The following ARMC12 variants were observed in gnomAD, a reference collection of about 807,000 sequenced individuals.
ARMC12 encodes the protein armadillo repeat containing 12.
ARMC12 carries 25 observed loss-of-function variants against 37.4 expected under a neutral mutation model. The observed-to-expected ratio is 0.67, with a 90% confidence interval of 0.49 to 0.93. ARMC12 has a LOEUF of 0.93. Ranked by LOEUF, ARMC12 falls within the 40% of genes least tolerant of loss-of-function variation. The pLI, the probability that ARMC12 is intolerant of heterozygous loss-of-function variation, is 0.00. For missense variants in ARMC12, 384 were observed against 426.6 expected (o/e 0.90, Z 0.88); for synonymous variants, 167 against 176.1 (o/e 0.95, Z 0.41).
intron 3 of ARMC12, among the ~76,000 whole-genome samples, chr6:35,744,053 G>C (rs1243355983): frequency 6.6e-6 from 1 of 152,098 alleles, no homozygotes; most frequent in Non-Finnish European, 1.5e-5. Flanking sequence ...CAATACATTG[G>C]ACTTTATTAA....
rs529039627 is a variant in ARMC12, at chr6:35,743,202, G to A, written c.445-4059G>A. 4.6e-5 allele frequency among the ~76,000 whole-genome samples: 7 copies of A among 151,662 alleles called. No individual in the cohort carries two copies. In the South Asian group the frequency reaches 1.2e-3, roughly 27 times the overall value. On this transcript the variant is annotated intron_variant, in intron 3 of 5. Transcript: ENST00000373866. Reference sequence around the variant, plus strand: ...TACCTGTCTTTGGTAATGCCTCTAGGTCCAAGCATCTTACTTTTTTTTTTT... The same window carrying A: ...TACCTGTCTTTGGTAATGCCTCTAGATCCAAGCATCTTACTTTTTTTTTTT...
chr6:35,732,332 G>T (rs1240383648), upstream of ARMC12, among the ~76,000 whole-genome samples: 1 of 152,190 alleles, frequency 6.6e-6, no homozygotes, highest in Non-Finnish European at 1.5e-5. Flanking sequence ...AAGCTCGCAC[G>T]TGTTGAGCGT....
At chr6:35,741,159 T>C (rs1045284747) in intron 3 of ARMC12, among the ~76,000 whole-genome samples, 2 of 152,152 alleles carry the variant, frequency 1.3e-5, no homozygotes, top group African/African-American at 4.8e-5. Flanking sequence ...CTTTCGTGAA[T>C]ACTCTGCCAC....
chr6:35,747,193 T>G lies in ARMC12; in HGVS notation c.445-68T>G, dbSNP rs1767364793. On this transcript the variant is annotated intron_variant, in intron 3 of 5. Coordinates refer to ENST00000373866, the MANE Select transcript of ARMC12 (RefSeq NM_001286574.2). ...GGACATCCATGGGGACAGTGAAGAG[T>G]AAAGTCAGATACTGGGATAGTGGTG... The G allele has an allele frequency of 9.8e-6, 15 of 1,535,848 alleles. No homozygotes were observed. The South Asian group carries it at 1.9e-4, about 19-fold the overall frequency.
chr6:35,749,058 C>T lies in ARMC12; in HGVS notation c.*188C>T. The T allele has an allele frequency of 1.8e-6, 1 of 545,064 alleles. No individual in the cohort carries two copies. The highest frequency in any genetic ancestry group is 3.1e-5 in the South Asian group (1 of 32,050). 33.8% of individuals were successfully genotyped at this position (545,064 alleles called of 1,614,324 possible). ...ACTTCTATGTTTGGGGGACTAGCTC[C>T]CCTCTTCTCTTGCTGCTTTTCTTTC... is the stretch of plus-strand genomic sequence containing the variant. On this transcript the variant is annotated 3_prime_UTR_variant, in exon 6 of 6. Transcript: ENST00000373866.
intron 3 of ARMC12, among the ~76,000 whole-genome samples, chr6:35,738,814 G>A (rs573980309): frequency 6.6e-6 from 1 of 152,188 alleles, no homozygotes; most frequent in East Asian, 1.9e-4. Flanking sequence ...TCCCAACACT[G>A]GCTGGGTGTT....
upstream of ARMC12, among the ~76,000 whole-genome samples, chr6:35,732,665 G>T (rs1028113487): frequency 2.6e-5 from 4 of 152,202 alleles, no homozygotes; most frequent in African/African-American, 9.6e-5. Context: ...CATTAACTAG[G>T]CTTAAACAAC....
the ARMC12 span, among the ~76,000 whole-genome samples, chr6:35,731,592 G>T: frequency 1.3e-5 from 2 of 152,156 alleles, no homozygotes; most frequent in African/African-American, 4.8e-5. Context: ...TGAGGTTGGT[G>T]GCCTTTGACC....
upstream of ARMC12, among the ~76,000 whole-genome samples, chr6:35,732,477 T>C (rs1438893003): frequency 1.3e-5 from 2 of 152,168 alleles, no homozygotes; most frequent in African/African-American, 2.4e-5. Context: ...AACCCCACAC[T>C]GTTGGGATGT....
At chr6:35,733,320 G>A (rs1003628351), upstream of ARMC12, among the ~76,000 whole-genome samples, 5 of 152,204 alleles carry the variant, frequency 3.3e-5, no homozygotes, top group African/African-American at 1.2e-4. Context: ...CGCCCCACAT[G>A]TTGTCCAGGT....
chr6:35,745,651 A>G (rs939513795), intron 3 of ARMC12, among the ~76,000 whole-genome samples: 2 of 152,234 alleles, frequency 1.3e-5, no homozygotes, highest in African/African-American at 4.8e-5. Flanking sequence ...TAGTTTTGCT[A>G]TTATACTATA....
At chr6:35,746,507 TAACATGTC>T in intron 3 of ARMC12, among the ~76,000 whole-genome samples, 1 of 152,180 alleles carries the variant, frequency 6.6e-6, no homozygotes, top group African/African-American at 2.4e-5. Flanking sequence ...GTGACATGTC[TAACATGTC>T]AGCTGCTCTG....
upstream of ARMC12, among the ~76,000 whole-genome samples, chr6:35,732,318 A>G (rs192678044): frequency 2.1e-3 from 316 of 152,318 alleles, 3 homozygotes; most frequent in African/African-American, 7.3e-3. Flanking sequence ...GCTTTCTGCA[A>G]GGGAAGCTCG....
chr6:35,735,304 C>T (rs1766932086), upstream of ARMC12: 2 of 152,434 alleles, frequency 1.3e-5, no homozygotes, highest in African/African-American at 4.8e-5. The surrounding 1 kb of genome is among the most constrained non-coding windows in gnomAD (Gnocchi z 4.0). Context: ...AGTGGGGAGG[C>T]TTCCATGGGC....
upstream of ARMC12, chr6:35,735,184 G>A (rs1427493798): frequency 6.6e-6 from 1 of 152,258 alleles, no homozygotes. The surrounding 1 kb of genome is among the most constrained non-coding windows in gnomAD (Gnocchi z 4.0). Context: ...CTTGTCTTGA[G>A]GGATTTATTC....
In ARMC12 at chr6:35,747,584, C is replaced by T. The variant is rs768762094; in HGVS notation, c.627C>T (p.Ala209=). Residue 209 remains alanine (A), a synonymous_variant, in exon 5 of 6, where the codon GCC becomes GCT. Transcript: ENST00000373866. ...CTCTTTCCTTTATTCAGGTGCAAGC[C>T]GTACGACTGCTGAGCTACCTGGCAC... The part of the protein sequence containing the change: ...QSDYILAQVQ[A]VRLLSYLAQK... 24 of 1,614,036 alleles carry T rather than the reference C, an allele frequency of 1.5e-5. 1 individual carries two copies. The Middle Eastern group carries it at 6.6e-4, about 44-fold the overall frequency.
intron 3 of ARMC12, among the ~76,000 whole-genome samples, chr6:35,740,114 G>T (rs1767121302): frequency 6.6e-6 from 1 of 152,200 alleles, no homozygotes; most frequent in African/African-American, 2.4e-5. Flanking sequence ...TAGGGACAAA[G>T]ATCAGATGTA....
intron 3 of ARMC12, 146 bp from the exon 4 acceptor site, chr6:35,747,115 G>C: frequency 1.2e-6 from 1 of 818,780 alleles, no homozygotes; most frequent in Non-Finnish European, 1.7e-6. Context: ...GTGGGCAACT[G>C]GGTCAAATTA....
At chr6:35,742,108 C>T (rs1431395357) in intron 3 of ARMC12, among the ~76,000 whole-genome samples, 3 of 152,018 alleles carry the variant, frequency 2.0e-5, no homozygotes, top group Non-Finnish European at 4.4e-5. Context: ...CCACCTGCCT[C>T]AGCCTCCCAA....
Sources: allele counts gnomAD v4.1 joint callset (sites outside exome capture counted in the v4.1 genomes callset), GRCh38; gene constraint gnomAD v4.1.1; non-coding constraint Gnocchi (gnomAD v3.1); transcripts MANE v1.5; gene names NCBI Gene and HGNC (gene_info 2026-07-23, HGNC 2026-07-21).